Variants in LTN1 observed in about 807,000 individuals in gnomAD.
LTN1 encodes the protein listerin E3 ubiquitin protein ligase 1, also known as E3 ubiquitin-protein ligase listerin.
LTN1 carries 88 observed loss-of-function variants against 201.2 expected under a neutral mutation model. That is an observed-to-expected ratio of 0.44 (90% CI 0.37 to 0.52). The LOEUF is 0.52. Among genes scored for constraint, LTN1 ranks in the 20% least tolerant of loss-of-function variants. The probability of loss-of-function intolerance (pLI) is 0.00; values close to 1 mark genes in which losing one functional copy is unlikely to be tolerated. For missense variants in LTN1, 1,752 were observed against 2,038.7 expected, an observed-to-expected ratio of 0.86 and a Z score of 2.71; for synonymous variants, 645 against 713.5, an observed-to-expected ratio of 0.90 and a Z score of 1.53.
chr21:28,992,806 G>C lies in LTN1; in HGVS notation c.-1C>G, dbSNP rs775697379. 1 of 1,614,198 alleles carries C rather than the reference G, an allele frequency of 6.2e-7. No homozygotes were observed. ...TTCGCTGCTTGTTCTTCCCGCCCAT[G>C]GTCGCGGTTGCAGCTGTACTCTGAG... On this transcript the variant is annotated 5_prime_UTR_variant, in exon 1 of 30. Transcript: ENST00000361371.
At position 28,948,921 on chromosome 21, in the gene LTN1, C is replaced by T. The variant is rs555023068; in HGVS notation, c.3345-1315G>A. Among the ~76,000 whole-genome samples the T allele has an allele frequency of 1.4e-3, 216 of 152,240 alleles. 1 individual carries two copies. Among genetic ancestry groups the T allele is most frequent in the African/African-American group, 4.8e-3 (201 of 41,562 alleles). ...ATTCCTAGAAGTGGAATTGAAAGCT[C>T]AAAGGATTTGAATGTATTATATGTT... On this transcript the variant is annotated intron_variant, in intron 18 of 29. Transcript: ENST00000361371.
intron 4 of LTN1, 41 bp downstream of exon 4, chr21:28,984,650 CT>C: frequency 6.9e-7 from 1 of 1,443,730 alleles, no homozygotes. Flanking sequence ...CCCTTAAATA[CT>C]TAAAAAAAAA....
At chr21:28,953,844 T>C (rs1415678166) in intron 16 of LTN1, among the ~76,000 whole-genome samples, 3 of 152,176 alleles carry the variant, frequency 2.0e-5, no homozygotes, top group Admixed American at 6.6e-5. Context: ...TCTCAAGCTA[T>C]ATAAATAGTT....
rs2084684056 is a variant in LTN1, at chr21:28,984,785, T to G, written c.483A>C (p.Pro161=). 4 of 1,614,026 alleles carry G rather than the reference T, an allele frequency of 2.5e-6. No homozygotes were observed. The highest frequency in any genetic ancestry group is 3.4e-6 in the Non-Finnish European group (4 of 1,179,850). Residue 161 remains proline, a synonymous_variant, in exon 4 of 30, where the codon CCA becomes CCC. Transcript: ENST00000361371. ...ATGCATCTTTTGCTGCAAACGCAGC[T>G]GGTGTGTAAGTATCACACTGAGCCA... The part of the protein sequence containing the change: ...WLMAQCDTYT[P]AAFAAKDAFE...
chr21:28,959,723 CA>C, intron 12 of LTN1, 26 bp from the exon 13 acceptor site: 2 of 1,527,918 alleles, frequency 1.3e-6, no homozygotes, highest in Non-Finnish European at 1.8e-6. Context: ...TTCAAACAGA[CA>C]AAAAATAAAA....
chr21:28,936,766 A>C, intron 25 of LTN1, 69 bp from the exon 26 acceptor site: 1 of 1,185,328 alleles, frequency 8.4e-7, no homozygotes, highest in Non-Finnish European at 1.2e-6. Context: ...AGAACAACTC[A>C]AAGTGTAACA....
Position 28,957,340 on chromosome 21 carries a change from G to T in LTN1, c.2884C>A (p.Pro962Thr). The change falls in exon 15 of 30, where the codon CCT becomes ACT. Residue 962 changes from proline to threonine, a missense_variant. Pro to Thr is a conservative substitution (Grantham distance 38). Transcript: ENST00000361371. ...SEWEKMRQSLPMQWLHRPLLE... is the reference protein window; with the variant it reads ...SEWEKMRQSLTMQWLHRPLLE... Reference sequence around the variant, plus strand: ...TTCAATTTCCAAAATACCTGCATAGGAAGAGACTGCCTCATCTTTTCCCAT... The same window carrying T: ...TTCAATTTCCAAAATACCTGCATAGTAAGAGACTGCCTCATCTTTTCCCAT... The T allele has an allele frequency of 6.3e-7, 1 of 1,591,772 alleles. No homozygotes were observed. The highest frequency in any genetic ancestry group is 8.5e-7 in the Non-Finnish European group (1 of 1,172,978).
intron 27 of LTN1, among the ~76,000 whole-genome samples, chr21:28,934,470 T>A (rs1458410339): frequency 2.0e-5 from 3 of 152,032 alleles, no homozygotes; most frequent in Non-Finnish European, 4.4e-5. Flanking sequence ...TGAGCTGTCA[T>A]GAGATCTGGT....
At chr21:28,951,604 T>C (rs915746694) in intron 18 of LTN1, among the ~76,000 whole-genome samples, 1 of 152,030 alleles carries the variant, frequency 6.6e-6, no homozygotes, top group African/African-American at 2.4e-5. Flanking sequence ...CATGAAATGC[T>C]GTTGGCTTAA....
chr21:28,975,476 T>C (rs959874132), intron 6 of LTN1, among the ~76,000 whole-genome samples: 4 of 152,194 alleles, frequency 2.6e-5, no homozygotes, highest in Non-Finnish European at 5.9e-5. Context: ...ACATTTTCCA[T>C]AGGGAGATAC....
Position 28,952,987 on chromosome 21 carries a change from C to T in LTN1, c.3239+230G>A, listed in dbSNP as rs545099777. On this transcript the variant is annotated intron_variant, in intron 17 of 29. Coordinates refer to ENST00000361371, the MANE Select transcript of LTN1 (RefSeq NM_015565.3). Reference sequence around the variant, plus strand: ...TCTACTTCTTTTTTGTCATCTGACCCTTGTATGTATTTATGGATTTAATAA... The same window carrying T: ...TCTACTTCTTTTTTGTCATCTGACCTTTGTATGTATTTATGGATTTAATAA... Among the ~76,000 whole-genome samples the T allele has an allele frequency of 2.0e-5, 3 of 152,202 alleles. No individual in the cohort carries two copies. In the South Asian group the frequency reaches 6.2e-4, roughly 32 times the overall value.
chr21:28,962,422 T>C (rs1267627948), intron 11 of LTN1, among the ~76,000 whole-genome samples: 1 of 152,270 alleles, frequency 6.6e-6, no homozygotes, highest in African/African-American at 2.4e-5. Flanking sequence ...TTCATTATTA[T>C]GTCTGTTATA....
At chr21:28,933,054 A>G (rs2084224051) in intron 27 of LTN1, among the ~76,000 whole-genome samples, 1 of 152,170 alleles carries the variant, frequency 6.6e-6, no homozygotes, top group Non-Finnish European at 1.5e-5. Context: ...TATCCTCCTG[A>G]GCTTTGGAGC....
chr21:28,957,392 A>T lies in LTN1; in HGVS notation c.2832T>A (p.Ile944=). ...CACTGTCGTTCGGCATTACACTTCC[A>T]ATATAAACTCCCATAAGATAAGAAT... ...SEDSYLMGVY[I]GSVMPNDSEW... Residue 944 remains isoleucine (I), a synonymous_variant, in exon 15 of 30, where the codon ATT becomes ATA. Coordinates refer to ENST00000361371, the MANE Select transcript of LTN1 (RefSeq NM_015565.3). 6.2e-7 allele frequency: 1 copy of T among 1,608,746 alleles called. No individual in the cohort carries two copies. Among genetic ancestry groups the T allele is most frequent in the Non-Finnish European group, 8.5e-7 (1 of 1,178,196 alleles).
At chr21:28,958,587 CTCA>C (rs1568844465) in intron 13 of LTN1, 48 bp from the exon 14 acceptor site, 1 of 1,349,230 alleles carries the variant, frequency 7.4e-7, no homozygotes, top group East Asian at 2.4e-5. Context: ...TGAATTAACT[CTCA>C]TCAGCACAAA....
At chr21:28,963,577 T>C (rs970081516) in intron 11 of LTN1, among the ~76,000 whole-genome samples, 14 of 152,350 alleles carry the variant, frequency 9.2e-5, no homozygotes, top group Admixed American at 6.5e-4. Flanking sequence ...CTGATGGAGA[T>C]GTACAAGGAA....
intron 26 of LTN1, 95 bp downstream of exon 26, chr21:28,936,431 T>C (rs2084257415): frequency 3.0e-6 from 3 of 996,690 alleles, no homozygotes; most frequent in Admixed American, 4.9e-5. Flanking sequence ...AGGACCCACC[T>C]TTGGGGTTAT....
intron 27 of LTN1, among the ~76,000 whole-genome samples, chr21:28,933,680 T>C (rs1195831870): frequency 4.0e-4 from 56 of 141,660 alleles, no homozygotes; most frequent in African/African-American, 1.4e-3. Context: ...TCTCTCTCTT[T>C]TTTTTTTTTT....
Position 28,944,656 on chromosome 21 carries a change from A to T in LTN1, c.3769-60T>A, listed in dbSNP as rs998220907. 1.8e-5 allele frequency: 21 copies of T among 1,189,176 alleles called. No homozygotes were observed. In the African/African-American group the frequency reaches 2.9e-4, roughly 17 times the overall value. The allele number at this position is 1,189,176 out of a possible 1,614,324, so 73.7% of individuals were successfully genotyped here. The stretch of plus-strand genomic sequence containing the variant: ...ACTTCTACCAGAACACTACAAATAA[A>T]GCCAATATAAAGAAAAGCCCCACTT... On this transcript the variant is annotated intron_variant, in intron 21 of 29. Coordinates refer to ENST00000361371, the MANE Select transcript of LTN1 (RefSeq NM_015565.3).
Sources: allele counts gnomAD v4.1 joint callset (sites outside exome capture counted in the v4.1 genomes callset), GRCh38; gene constraint gnomAD v4.1.1; transcripts MANE v1.5; gene names NCBI Gene and HGNC (gene_info 2026-07-23, HGNC 2026-07-21).